The following RBBP6 variants were observed in gnomAD, a reference collection of about 807,000 sequenced individuals.
RBBP6 encodes the protein RB binding protein 6, ubiquitin ligase, also known as E3 ubiquitin-protein ligase RBBP6.
Under a neutral mutation model 167.7 loss-of-function variants are expected in RBBP6, and 25 were observed. The observed-to-expected ratio is 0.15, with a 90% CI of 0.11 to 0.21. The LOEUF (loss-of-function observed/expected upper bound fraction) is 0.21, where lower values mean the gene tolerates loss of function less well. Among genes scored for constraint, RBBP6 ranks in the 10% least tolerant of loss-of-function variants. The pLI, the probability that RBBP6 is intolerant of heterozygous loss-of-function variation, is 1.00. For missense variants in RBBP6, 1,868 were observed against 2,134.2 expected (o/e 0.88, Z 2.46); for synonymous variants, 789 against 735.8 (o/e 1.07, Z -1.17).
chr16:24,552,220 A>G (rs1461246124), intron 3 of RBBP6, among the ~76,000 whole-genome samples: 1 of 151,872 alleles, frequency 6.6e-6, no homozygotes, highest in Non-Finnish European at 1.5e-5. Flanking sequence ...ATATTTAGCC[A>G]ACATTATTTT....
At position 24,556,326 on chromosome 16, in the gene RBBP6, G is replaced by A; in HGVS notation, c.553G>A (p.Gly185Ser). ...PTNGDKNFES[G>S]PRIKKSTGIP... is the part of the protein sequence containing the mutation. Reference sequence around the variant, plus strand: ...TGAATAGGATAAAAACTTTGAATCTGGTCCTAGGATTAAAAAGAGCACTGG... The same window carrying A: ...TGAATAGGATAAAAACTTTGAATCTAGTCCTAGGATTAAAAAGAGCACTGG... Residue 185 changes from glycine (G) to serine (S), a missense_variant, in exon 7 of 18, where the codon GGT becomes AGT. This residue lies in a region of RBBP6 where 184 missense variants were observed against 327.7 expected (regional missense o/e 0.56). Coordinates refer to ENST00000319715, the MANE Select transcript of RBBP6 (RefSeq NM_006910.5). 1 of 1,596,406 alleles carries A rather than the reference G, an allele frequency of 6.3e-7. No individual in the cohort carries two copies.
At chr16:24,540,901 T>C (rs1408270326) in intron 1 of RBBP6, 109 bp downstream of exon 1, 2 of 1,328,818 alleles carry the variant, frequency 1.5e-6, no homozygotes, top group African/African-American at 2.9e-5. Context: ...GACTGTTCGT[T>C]CTAGTACTTT....
At chr16:24,549,122 C>G (rs1445825714) in intron 3 of RBBP6, 141 bp downstream of exon 3, 1 of 1,502,046 alleles carries the variant, frequency 6.7e-7, no homozygotes. Flanking sequence ...GATGACAGCT[C>G]AGTTGAATAT....
chr16:24,567,667 T>G, intron 15 of RBBP6, 125 bp from the exon 16 acceptor site: 1 of 1,250,314 alleles, frequency 8.0e-7, no homozygotes, highest in East Asian at 2.5e-5. Context: ...ATTCCTAGTT[T>G]ATAGTTTTAA....
chr16:24,550,866 G>A (rs1422503587), intron 3 of RBBP6, among the ~76,000 whole-genome samples: 3 of 151,664 alleles, frequency 2.0e-5, no homozygotes, highest in Non-Finnish European at 4.4e-5. Context: ...TTTAAGATGA[G>A]AATATATTCA....
intron 3 of RBBP6, among the ~76,000 whole-genome samples, chr16:24,552,011 ATACT>A (rs2141461970): frequency 6.6e-6 from 1 of 151,884 alleles, no homozygotes; most frequent in African/African-American, 2.4e-5. Flanking sequence ...AAGGAAAAAA[ATACT>A]TAAAAGCTGG....
At chr16:24,564,188 A>T (rs936349178) in intron 13 of RBBP6, among the ~76,000 whole-genome samples, 1 of 152,242 alleles carries the variant, frequency 6.6e-6, no homozygotes, top group Non-Finnish European at 1.5e-5. Flanking sequence ...TATGGCATTA[A>T]AAATCAGCAG....
Position 24,568,284 on chromosome 16 carries a change from C to T in RBBP6, c.2054+391C>T, listed in dbSNP as rs1209049593. Among the ~76,000 whole-genome samples, 5 of 152,212 alleles carry T rather than the reference C, an allele frequency of 3.3e-5. No individual in the cohort carries two copies. The South Asian group carries it at 6.2e-4, about 19-fold the overall frequency. The stretch of plus-strand genomic sequence containing the variant: ...TATGAAGTAGTAGTAGAATACAGAT[C>T]GCTTTATTGATAGAAAAAGTGAATT... On this transcript the variant is annotated intron_variant, in intron 16 of 17. Transcript: ENST00000319715.
At position 24,571,530 on chromosome 16, in the gene RBBP6, A is replaced by T; in HGVS notation, c.4464A>T (p.Arg1488Ser). ...GAGAGTATTCAAGTTCCAAACGTAG[A>T]GATGAAAAGAATGAATTAACAAGAC... Reference protein sequence around the residue: ...DTREYSSSKRRDEKNELTRRK... With the variant: ...DTREYSSSKRSDEKNELTRRK... Residue 1488 changes from arginine to serine, a missense_variant, in exon 18 of 18, where the codon AGA becomes AGT. Around this residue, in one of 7 missense-constraint regions of RBBP6, gnomAD observed 591 missense variants for 540.5 expected, o/e 1.09. Transcript: ENST00000319715. 6.2e-7 allele frequency: 1 copy of T among 1,613,808 alleles called. No homozygotes were observed. Among genetic ancestry groups the T allele is most frequent in the Non-Finnish European group, 8.5e-7 (1 of 1,179,938 alleles).
Position 24,569,193 on chromosome 16 carries a change from AGAGAG to A in RBBP6, c.2504_2508del (p.Arg835MetfsTer3), listed in dbSNP as rs1899265074. The A allele has an allele frequency of 6.2e-7, 1 of 1,613,730 alleles. No homozygotes were observed. The highest frequency in any genetic ancestry group is 8.5e-7 in the Non-Finnish European group (1 of 1,179,928). On this transcript the variant is annotated frameshift_variant, in exon 17 of 18. Transcript: ENST00000319715. LOFTEE classifies it high-confidence loss of function. The stretch of plus-strand genomic sequence containing the variant: ...CTACCGAGAATGGGAGAGAAAATAT[AGAGAG>A]TGGTATGAAAAATATTATAAAGGTT...
At chr16:24,557,409 A>G (rs1038127021) in intron 7 of RBBP6, among the ~76,000 whole-genome samples, 1 of 152,132 alleles carries the variant, frequency 6.6e-6, no homozygotes, top group Admixed American at 6.5e-5. Context: ...GCTTTTATTA[A>G]TGTAGTCAGT....
chr16:24,558,915 C>A, intron 7 of RBBP6, among the ~76,000 whole-genome samples: 1 of 152,076 alleles, frequency 6.6e-6, no homozygotes, highest in Non-Finnish European at 1.5e-5. Flanking sequence ...GTTTTGGTAT[C>A]TCATTTTATT....
In RBBP6 at chr16:24,546,414, C is replaced by T. The variant is rs1041379014; in HGVS notation, c.266+152C>T. On this transcript the variant is annotated intron_variant, in intron 2 of 17. Transcript: ENST00000319715. ...TGTGAGGATAGTAGGTTTCTTTGTT[C>T]GTTTGTTTTTGATTTCCTCCCCCAG... 222 of 1,059,698 alleles carry T rather than the reference C, an allele frequency of 2.1e-4. 1 individual carries two copies. In the East Asian group the frequency reaches 5.6e-3, roughly 27 times the overall value. The allele number at this position is 1,059,698 out of a possible 1,614,324, so 65.6% of individuals were successfully genotyped here.
intron 14 of RBBP6, among the ~76,000 whole-genome samples, chr16:24,565,891 A>G (rs987469072): frequency 6.6e-6 from 1 of 151,978 alleles, no homozygotes; most frequent in African/African-American, 2.4e-5. Context: ...ACATAGCAAG[A>G]CTCTGTCTCT....
intron 8 of RBBP6, among the ~76,000 whole-genome samples, chr16:24,560,348 C>T (rs532642585): frequency 1.2e-4 from 18 of 152,244 alleles, no homozygotes; most frequent in African/African-American, 4.3e-4. Flanking sequence ...CCTCGTGATC[C>T]GCCCACCTCG....
At chr16:24,545,754 A>G (rs912680778) in intron 1 of RBBP6, among the ~76,000 whole-genome samples, 4 of 152,216 alleles carry the variant, frequency 2.6e-5, no homozygotes, top group Non-Finnish European at 4.4e-5. Context: ...TTTTTAGTCT[A>G]TCTTCCTCAG....
In RBBP6 at chr16:24,570,440, G is replaced by C. The variant is rs748455957; in HGVS notation, c.3750G>C (p.Lys1250Asn). The C allele has an allele frequency of 1.1e-5, 18 of 1,605,360 alleles. No individual in the cohort carries two copies. Among genetic ancestry groups the C allele is most frequent in the Non-Finnish European group, 1.3e-5 (15 of 1,178,208 alleles). The stretch of plus-strand genomic sequence containing the variant: ...TTAAACAAGAAAAAGTCAAAGGAAA[G>C]GTCAGACGAAAAGTGACTGGAACTG... Reference protein sequence around the residue: ...SKVKQEKVKGKVRRKVTGTEG... With the variant: ...SKVKQEKVKGNVRRKVTGTEG... Residue 1250 changes from lysine to asparagine, a missense_variant, in exon 17 of 18, where the codon AAG becomes AAC. Physicochemically the swap from Lys to Asn is moderately conservative, Grantham distance 94 (BLOSUM62 0). Coordinates refer to ENST00000319715, the MANE Select transcript of RBBP6 (RefSeq NM_006910.5).
At chr16:24,555,727 T>C (rs758285971) in intron 5 of RBBP6, 24 bp downstream of exon 5, 1 of 1,604,280 alleles carries the variant, frequency 6.2e-7, no homozygotes, top group Non-Finnish European at 8.5e-7. Flanking sequence ...TATTTTATAC[T>C]AATAGGAACT....
intron 3 of RBBP6, among the ~76,000 whole-genome samples, chr16:24,552,617 A>G (rs900231280): frequency 4.6e-5 from 7 of 151,844 alleles, no homozygotes; most frequent in Non-Finnish European, 8.9e-5. Flanking sequence ...ATTTTGAAAG[A>G]GAAATGTTTT....
Sources: allele counts gnomAD v4.1 joint callset (sites outside exome capture counted in the v4.1 genomes callset), GRCh38; gene constraint gnomAD v4.1.1; regional missense constraint gnomAD v4.1.1; transcripts MANE v1.5; gene names NCBI Gene and HGNC (gene_info 2026-07-23, HGNC 2026-07-21).